The following FHIT variants were observed in gnomAD, a reference collection of about 807,000 sequenced individuals.
The protein encoded by FHIT is bis(5'-adenosyl)-triphosphatase.
A neutral mutation model predicts 17.9 loss-of-function variants in FHIT; 19 were observed. The ratio of observed to expected loss-of-function variants is 1.06; its 90% CI spans 0.74 to 1.56. FHIT has a LOEUF of 1.56. Among genes scored for constraint, FHIT ranks in the 40% most tolerant of loss-of-function variants. The probability of loss-of-function intolerance (pLI) is 0.00; values close to 1 mark genes in which losing one functional copy is unlikely to be tolerated. For synonymous variants in FHIT, 81 were observed against 69.7 expected (o/e 1.16, Z -0.81); for missense variants, 248 against 189.2 (o/e 1.31, Z -1.82).
chr3:60,850,767 T>G (rs1310719212), intron 3 of FHIT, among the ~76,000 whole-genome samples: 1 of 152,128 alleles, frequency 6.6e-6, no homozygotes, highest in Non-Finnish European at 1.5e-5. Flanking sequence ...CTTTCACACT[T>G]TCAGATGAGG....
At chr3:60,095,803 C>T (rs867880875) in intron 5 of FHIT, among the ~76,000 whole-genome samples, 18 of 152,206 alleles carry the variant, frequency 1.2e-4, no homozygotes, top group African/African-American at 4.1e-4. Context: ...TCTGGTACAA[C>T]CACCTTGTTT....
chr3:59,943,379 T>C (rs1207314447), intron 7 of FHIT, among the ~76,000 whole-genome samples: 1 of 151,926 alleles, frequency 6.6e-6, no homozygotes, highest in African/African-American at 2.4e-5. Flanking sequence ...AGCAACGAAA[T>C]TGGAGGAGGA....
At chr3:61,048,806 T>A (rs1201491126) in intron 2 of FHIT, among the ~76,000 whole-genome samples, 1 of 152,138 alleles carries the variant, frequency 6.6e-6, no homozygotes, top group Non-Finnish European at 1.5e-5. Flanking sequence ...TAAAAAATGA[T>A]GAGTTCATGT....
At chr3:60,525,844 T>C (rs922122214) in intron 5 of FHIT, among the ~76,000 whole-genome samples, 16 of 152,218 alleles carry the variant, frequency 1.1e-4, no homozygotes, top group Non-Finnish European at 2.2e-4. Flanking sequence ...TGGTGGCACA[T>C]GCCTGTAATT....
At chr3:60,025,283 T>C (rs1344187046) in intron 5 of FHIT, among the ~76,000 whole-genome samples, 1 of 152,192 alleles carries the variant, frequency 6.6e-6, no homozygotes, top group Non-Finnish European at 1.5e-5. Flanking sequence ...GTTTGCAAAA[T>C]GGTGCATATG....
intron 8 of FHIT, among the ~76,000 whole-genome samples, chr3:59,798,986 G>A (rs1376129104): frequency 1.3e-5 from 2 of 152,216 alleles, no homozygotes; most frequent in African/African-American, 2.4e-5. Context: ...CTCTCAGAAA[G>A]CCTTGTGCAT....
At chr3:60,561,077 A>G (rs920756701) in intron 4 of FHIT, among the ~76,000 whole-genome samples, 4 of 152,030 alleles carry the variant, frequency 2.6e-5, no homozygotes, top group South Asian at 2.1e-4. Flanking sequence ...GCACTTTTCC[A>G]TGTCTCTATC....
chr3:61,048,014 TA>T (rs1416436786), intron 2 of FHIT, among the ~76,000 whole-genome samples: 1 of 151,144 alleles, frequency 6.6e-6, no homozygotes, highest in Non-Finnish European at 1.5e-5. Flanking sequence ...CCTAAAACCA[TA>T]AAAACCCTAG....
At chr3:60,246,326 A>T (rs186385136) in intron 5 of FHIT, among the ~76,000 whole-genome samples, 17 of 152,212 alleles carry the variant, frequency 1.1e-4, no homozygotes, top group African/African-American at 4.1e-4. Flanking sequence ...TTTTATTTCC[A>T]GGAGGGGAAA....
chr3:60,377,106 A>G (rs993939053), intron 5 of FHIT, among the ~76,000 whole-genome samples: 5 of 152,206 alleles, frequency 3.3e-5, no homozygotes, highest in African/African-American at 7.2e-5. Context: ...ATAAGCCCCT[A>G]AAGAAAGCTG....
At chr3:60,395,565 G>A (rs960675362) in intron 5 of FHIT, among the ~76,000 whole-genome samples, 8 of 152,108 alleles carry the variant, frequency 5.3e-5, no homozygotes, top group Non-Finnish European at 8.8e-5. Context: ...GAGGAAGAAG[G>A]TAACGAGTTT....
intron 4 of FHIT, among the ~76,000 whole-genome samples, chr3:60,765,109 A>G (rs1553721032): frequency 6.6e-6 from 1 of 152,186 alleles, no homozygotes. Context: ...GGCACTGGGA[A>G]TGGCAGTTAC....
chr3:60,896,910 T>C (rs1553762092), intron 3 of FHIT, among the ~76,000 whole-genome samples: 1 of 152,220 alleles, frequency 6.6e-6, no homozygotes, highest in East Asian at 1.9e-4. Context: ...TCCCTAACTC[T>C]TCTAATGCTA....
intron 4 of FHIT, among the ~76,000 whole-genome samples, chr3:60,780,803 C>T (rs945956136): frequency 5.9e-5 from 9 of 152,172 alleles, no homozygotes; most frequent in Admixed American, 2.0e-4. Flanking sequence ...TCAGCCTGTG[C>T]ACTAGAGTAG....
chr3:60,504,761 G>C (rs1164639012), intron 5 of FHIT, among the ~76,000 whole-genome samples: 3 of 152,138 alleles, frequency 2.0e-5, no homozygotes, highest in Non-Finnish European at 4.4e-5. Context: ...GTTTCCTTAA[G>C]GTCATGTAAC....
At chr3:60,352,252 G>T (rs1699443198) in intron 5 of FHIT, among the ~76,000 whole-genome samples, 2 of 152,122 alleles carry the variant, frequency 1.3e-5, no homozygotes, top group South Asian at 4.1e-4. Context: ...ACAAAAATAT[G>T]CTAGGAGATT....
chr3:60,511,993 TGAG>T (rs2034967124), intron 5 of FHIT, among the ~76,000 whole-genome samples: 1 of 151,880 alleles, frequency 6.6e-6, no homozygotes, highest in African/African-American at 2.4e-5. Context: ...CTAAAAAAAT[TGAG>T]GAGAGGTAAA....
intron 5 of FHIT, among the ~76,000 whole-genome samples, chr3:60,483,122 AAACCAGGAAGGAGT>A (rs1167604711): frequency 1.3e-5 from 2 of 152,206 alleles, no homozygotes; most frequent in Non-Finnish European, 2.9e-5. Flanking sequence ...TCCCAAGACT[AAACCAGGAAGGAGT>A]TGAATCCTTG....
chr3:59,897,729 T>C (rs1704132422), intron 8 of FHIT, among the ~76,000 whole-genome samples: 1 of 151,294 alleles, frequency 6.6e-6, no homozygotes, highest in Admixed American at 6.5e-5. Flanking sequence ...AATCTGAAAA[T>C]CTGAAATGCT....
Sources: allele counts gnomAD v4.1 joint callset (sites outside exome capture counted in the v4.1 genomes callset), GRCh38; gene constraint gnomAD v4.1.1; transcripts MANE v1.5; gene names NCBI Gene and HGNC (gene_info 2026-07-23, HGNC 2026-07-21).